Variants in SDK1 observed in about 807,000 individuals in gnomAD.
The protein encoded by SDK1 is sidekick cell adhesion molecule 1, also known as protein sidekick-1.
In SDK1, 157 loss-of-function variants were observed where a neutral mutation model predicts 245.5. That is an observed-to-expected ratio of 0.64 (90% CI 0.56 to 0.73). The LOEUF is 0.73. Ranked by LOEUF, SDK1 falls within the 30% of genes least tolerant of loss-of-function variation. The pLI is 0.00. For synonymous variants in SDK1, 1,647 were observed against 1,278.5 expected (o/e 1.29, Z -6.15); for missense variants, 3,583 against 3,002.3 (o/e 1.19, Z -4.52).
At chr7:4,211,432 G>A (rs1048266819) in intron 38 of SDK1, among the ~76,000 whole-genome samples, 4 of 152,006 alleles carry the variant, frequency 2.6e-5, no homozygotes, top group African/African-American at 4.8e-5. Flanking sequence ...GGAAGGGTGC[G>A]GGGGCAGGGG....
chr7:3,960,732 T>C (rs868073305), intron 8 of SDK1, among the ~76,000 whole-genome samples: 1 of 152,198 alleles, frequency 6.6e-6, no homozygotes, highest in Non-Finnish European at 1.5e-5. Flanking sequence ...CCAGCTCTAC[T>C]GATTCGGCAT....
chr7:4,126,596 C>G (rs1784401724), intron 25 of SDK1, among the ~76,000 whole-genome samples: 1 of 152,220 alleles, frequency 6.6e-6, no homozygotes, highest in Non-Finnish European at 1.5e-5. Flanking sequence ...TGGCACATGC[C>G]TGTAATCCCA....
intron 24 of SDK1, among the ~76,000 whole-genome samples, chr7:4,113,694 G>A (rs938188717): frequency 6.6e-6 from 1 of 152,282 alleles, no homozygotes; most frequent in Admixed American, 6.5e-5. Context: ...GAAAGCTGGG[G>A]GTGCCTCACA....
Position 3,301,733 on chromosome 7 carries a change from G to A in SDK1, c.147G>A (p.Ser49=), listed in dbSNP as rs906433907. Residue 49 remains serine, a synonymous_variant, in exon 1 of 45, where the codon TCG becomes TCA. Transcript: ENST00000404826. The part of the protein sequence containing the change: ...SLAPRPGPEP[S]RPRAAPETSG... ...CGCCGCGCCCCGGCCCGGAGCCCTC[G>A]CGACCCCGGGCGGCGCCCGAGACCT... 6.1e-6 allele frequency: 6 copies of A among 978,302 alleles called. No homozygotes were observed. The East Asian group carries it at 4.7e-4, about 76-fold the overall frequency. The allele number at this position is 978,302 out of a possible 1,614,324, so 60.6% of individuals were successfully genotyped here.
intron 41 of SDK1, among the ~76,000 whole-genome samples, chr7:4,237,353 C>T (rs771357204): frequency 6.6e-6 from 1 of 151,930 alleles, no homozygotes; most frequent in Non-Finnish European, 1.5e-5. Flanking sequence ...GACAAAGATA[C>T]TGAAGTCTCC....
At chr7:3,368,604 C>G (rs1024457290) in intron 1 of SDK1, among the ~76,000 whole-genome samples, 3 of 152,156 alleles carry the variant, frequency 2.0e-5, no homozygotes, top group African/African-American at 7.2e-5. Flanking sequence ...AGGAGACCCA[C>G]TGGAAACATT....
chr7:4,067,533 G>A (rs765445777), intron 19 of SDK1, among the ~76,000 whole-genome samples: 1 of 152,202 alleles, frequency 6.6e-6, no homozygotes, highest in Non-Finnish European at 1.5e-5. Flanking sequence ...AATCCAGCCA[G>A]CCTGATTGTT....
intron 4 of SDK1, among the ~76,000 whole-genome samples, chr7:3,686,194 G>C (rs915683906): frequency 6.6e-6 from 1 of 152,188 alleles, no homozygotes; most frequent in African/African-American, 2.4e-5. Context: ...TCCTGCCTCA[G>C]CCTCCCGAGT....
At chr7:4,244,874 G>A (rs1380307950) in intron 43 of SDK1, among the ~76,000 whole-genome samples, 3 of 152,166 alleles carry the variant, frequency 2.0e-5, no homozygotes, top group African/African-American at 4.8e-5. Context: ...CCTGGAGGCC[G>A]CTCATGGTCC....
intron 4 of SDK1, among the ~76,000 whole-genome samples, chr7:3,668,772 T>C (rs1783610607): frequency 6.6e-6 from 1 of 152,202 alleles, no homozygotes; most frequent in Non-Finnish European, 1.5e-5. Context: ...GCCTGAGTGA[T>C]AGAGTGAAAT....
At chr7:3,525,365 C>A (rs777644518) in intron 1 of SDK1, among the ~76,000 whole-genome samples, 2 of 152,108 alleles carry the variant, frequency 1.3e-5, no homozygotes, top group African/African-American at 4.8e-5. Flanking sequence ...TTCTCACTTG[C>A]ACCTACGGAA....
At chr7:3,670,019 C>G (rs1372052793) in intron 4 of SDK1, among the ~76,000 whole-genome samples, 2 of 152,192 alleles carry the variant, frequency 1.3e-5, no homozygotes, top group Non-Finnish European at 2.9e-5. Context: ...ACCAGTTTCT[C>G]TTATTGTACC....
chr7:3,741,361 T>C (rs1444058350), intron 4 of SDK1, among the ~76,000 whole-genome samples: 4 of 152,176 alleles, frequency 2.6e-5, no homozygotes, highest in African/African-American at 4.8e-5. Flanking sequence ...CAGGGGATGC[T>C]CTTCATCTTT....
intron 4 of SDK1, among the ~76,000 whole-genome samples, chr7:3,803,745 C>CTTT (rs60802259): frequency 1.2e-3 from 144 of 119,958 alleles, no homozygotes; most frequent in African/African-American, 2.7e-3. Flanking sequence ...GTATTTTCCT[C>CTTT]TTTTTTTTTT....
At position 4,267,188 on chromosome 7, in the gene SDK1, C is replaced by G. The variant is rs570851947; in HGVS notation, c.*1804C>G. On this transcript the variant is annotated 3_prime_UTR_variant, in exon 45 of 45. Transcript: ENST00000404826. ...CCTTTTTTCTCTCCTCCCTTCCTTC[C>G]CCTCCTTCCTTTCCTTTACCCCTCC... The G allele has an allele frequency of 6.2e-6, 6 of 967,296 alleles. No individual in the cohort carries two copies. In the African/African-American group the frequency reaches 1.1e-4, roughly 17 times the overall value. 59.9% of individuals were successfully genotyped at this position (967,296 alleles called of 1,614,324 possible).
rs116043462 is a variant in SDK1, at chr7:3,858,504, G to A, written c.847+36921G>A. Among the ~76,000 whole-genome samples, 282 of 152,168 alleles carry A rather than the reference G, an allele frequency of 1.9e-3. 1 individual carries two copies. Among genetic ancestry groups the A allele is most frequent in the African/African-American group, 6.6e-3 (272 of 41,512 alleles). On this transcript the variant is annotated intron_variant, in intron 5 of 44. Coordinates refer to ENST00000404826, the MANE Select transcript of SDK1 (RefSeq NM_152744.4). Reference sequence around the variant, plus strand: ...TCACAAGAAGCTTAACTTCCTTTCTGGAAAGGAAGGATGAAGACTGAATGT... The same window carrying A: ...TCACAAGAAGCTTAACTTCCTTTCTAGAAAGGAAGGATGAAGACTGAATGT...
intron 1 of SDK1, among the ~76,000 whole-genome samples, chr7:3,502,101 T>G (rs1180687819): frequency 2.0e-5 from 3 of 152,132 alleles, no homozygotes; most frequent in Non-Finnish European, 2.9e-5. Context: ...GTTTAGTCAG[T>G]CACTATATTA....
chr7:3,728,195 G>C (rs1425968613), intron 4 of SDK1, among the ~76,000 whole-genome samples: 1 of 152,202 alleles, frequency 6.6e-6, no homozygotes, highest in African/African-American at 2.4e-5. Context: ...GATCACCGCT[G>C]AGGTAGTACT....
At chr7:3,987,346 A>T in intron 14 of SDK1, 24 bp downstream of exon 14, 1 of 1,611,014 alleles carries the variant, frequency 6.2e-7, no homozygotes, top group Admixed American at 1.7e-5. Context: ...TGAAACTGTC[A>T]CCATGGACGA....
Sources: gnomAD v4.1 joint callset for allele counts (sites outside exome capture counted in the v4.1 genomes callset) on GRCh38, gnomAD v4.1.1 for gene constraint, MANE v1.5 for transcripts, NCBI Gene and HGNC (gene_info 2026-07-23, HGNC 2026-07-21) for gene names.